Variants in ENTPD3 observed in about 807,000 individuals in gnomAD.
The protein encoded by ENTPD3 is CD39 antigen-like 3.
A neutral mutation model predicts 51.2 loss-of-function variants in ENTPD3; 60 were observed. The observed-to-expected ratio is 1.17, with a 90% CI of 0.95 to 1.45. The LOEUF (loss-of-function observed/expected upper bound fraction) is 1.45. Ranked by LOEUF, ENTPD3 falls within the 40% of genes most tolerant of loss-of-function variation. The pLI is 0.00. For synonymous variants in ENTPD3, 221 were observed against 238.4 expected, an observed-to-expected ratio of 0.93 and a Z score of 0.67; for missense variants, 593 against 641.1, an observed-to-expected ratio of 0.93 and a Z score of 0.81.
At position 40,402,111 on chromosome 3, in the gene ENTPD3, C is replaced by CTTTTTTTT. The variant is rs775322652; in HGVS notation, c.286+1104_286+1111dup. On this transcript the variant is annotated intron_variant, in intron 4 of 10. Coordinates refer to ENST00000301825, the MANE Select transcript of ENTPD3 (RefSeq NM_001248.4). ...GTAACTATCTTGTTCATTTCCTTTC[C>CTTTTTTTT]TTTTTTTTTTTCTTTTTTTTTTTTT... 1.7e-3 allele frequency among the ~76,000 whole-genome samples: 168 copies of CTTTTTTTT among 97,002 alleles called. 6 individuals are homozygous for CTTTTTTTT. The highest frequency in any genetic ancestry group is 2.3e-3 in the African/African-American group (67 of 29,684). 63.6% of individuals were successfully genotyped at this position (97,002 alleles called of 152,430 possible).
At position 40,427,277 on chromosome 3, in the gene ENTPD3, G is replaced by C; in HGVS notation, c.1359G>C (p.Gly453=). The change falls in exon 11 of 11, where the codon GGG becomes GGC. Residue 453 remains glycine, a synonymous_variant. Transcript: ENST00000301825. ...CCATCTCCTCTACTCCACAGGTGGG[G>C]AATAGCAGCATAGCCTGGTCTCTTG... ...WPQIHFEKEV[G]NSSIAWSLGY... is the part of the protein sequence containing the mutation. The C allele has an allele frequency of 2.5e-6, 4 of 1,613,860 alleles. No homozygotes were observed. The highest frequency in any genetic ancestry group is 3.4e-6 in the Non-Finnish European group (4 of 1,179,798).
At chr3:40,427,216 G>C in intron 10 of ENTPD3, 56 bp from the exon 11 acceptor site, 1 of 1,391,918 alleles carries the variant, frequency 7.2e-7, no homozygotes, top group South Asian at 1.2e-5. Flanking sequence ...ACTCCGGTAT[G>C]TGATTGCAGC....
rs942728002 is a variant in ENTPD3, at chr3:40,427,855, T to G, written c.*347T>G. The G allele has an allele frequency of 1.2e-5, 3 of 260,844 alleles. No individual in the cohort carries two copies. The highest frequency in any genetic ancestry group is 2.2e-5 in the Non-Finnish European group (3 of 135,782). The allele number at this position is 260,844 out of a possible 1,614,324, so 16.2% of individuals were successfully genotyped here. ...TGAAGAATTGACCTCAGGGCTCAGT[T>G]TCCATTTCCCTCCCTCAGTATTCTT... On this transcript the variant is annotated 3_prime_UTR_variant, in exon 11 of 11. Coordinates refer to ENST00000301825, the MANE Select transcript of ENTPD3 (RefSeq NM_001248.4).
chr3:40,415,948 G>A lies in ENTPD3; in HGVS notation c.706G>A (p.Asp236Asn), dbSNP rs1442619867. The A allele has an allele frequency of 1.2e-6, 2 of 1,614,142 alleles. No homozygotes were observed. Among genetic ancestry groups the A allele is most frequent in the East Asian group, 4.5e-5 (2 of 44,872 alleles). Reference protein sequence around the residue: ...QISFVAGEKMDLNTSDIMQVS... With the variant: ...QISFVAGEKMNLNTSDIMQVS... The stretch of plus-strand genomic sequence containing the variant: ...ATCCTTCGTGGCAGGAGAGAAGATG[G>A]ATCTGAACACCAGCGACATCATGCA... The change falls in exon 7 of 11, where the codon GAT (aspartate) becomes AAT (asparagine). Residue 236 changes from aspartate to asparagine, a missense_variant. Asp to Asn is a conservative substitution (Grantham distance 23). Transcript: ENST00000301825.
At chr3:40,393,239 T>C (rs1000075095) in intron 3 of ENTPD3, among the ~76,000 whole-genome samples, 10 of 152,128 alleles carry the variant, frequency 6.6e-5, no homozygotes, top group South Asian at 4.2e-4. Context: ...AAGGGTCAAA[T>C]AGTATATATT....
intron 7 of ENTPD3, among the ~76,000 whole-genome samples, chr3:40,418,754 G>A (rs1955800115): frequency 6.6e-6 from 1 of 152,032 alleles, no homozygotes; most frequent in Admixed American, 6.6e-5. Context: ...GTATGAATGT[G>A]TAAAAACTTG....
intron 4 of ENTPD3, among the ~76,000 whole-genome samples, chr3:40,402,125 T>C (rs866951972): frequency 3.7e-5 from 4 of 107,546 alleles, no homozygotes; most frequent in Non-Finnish European, 6.1e-5. Context: ...TTTTTTTTCT[T>C]TTTTTTTTTT....
At chr3:40,421,017 TA>T (rs1326032712) in intron 7 of ENTPD3, among the ~76,000 whole-genome samples, 5 of 149,198 alleles carry the variant, frequency 3.4e-5, no homozygotes, top group African/African-American at 1.3e-4. Flanking sequence ...AATAATTAAT[TA>T]ATTTAAATTT....
chr3:40,393,353 G>A (rs1955110931), intron 3 of ENTPD3, among the ~76,000 whole-genome samples: 2 of 152,092 alleles, frequency 1.3e-5, no homozygotes, highest in Non-Finnish European at 2.9e-5. Context: ...TAGGGACCAG[G>A]TAATTCAGCC....
chr3:40,408,621 A>G (rs1955557800), intron 4 of ENTPD3, among the ~76,000 whole-genome samples: 1 of 152,238 alleles, frequency 6.6e-6, no homozygotes, highest in African/African-American at 2.4e-5. Context: ...TCATAGGAAT[A>G]TGCCTGAGAG....
At chr3:40,405,632 A>G (rs1559511786) in intron 4 of ENTPD3, among the ~76,000 whole-genome samples, 1 of 152,086 alleles carries the variant, frequency 6.6e-6, no homozygotes, top group Non-Finnish European at 1.5e-5. Flanking sequence ...TTGAAATAGC[A>G]ATTTCAGTGC....
At chr3:40,394,222 C>T (rs1955139525) in intron 3 of ENTPD3, 1 of 208,688 alleles carries the variant, frequency 4.8e-6, no homozygotes. Flanking sequence ...TCAAGTGATT[C>T]TACTGCCTCA....
intron 10 of ENTPD3, 147 bp from the exon 11 acceptor site, chr3:40,427,124 TG>T: frequency 1.5e-6 from 1 of 657,380 alleles, no homozygotes; most frequent in Non-Finnish European, 2.7e-6. Context: ...GGCTACAGTG[TG>T]GTGTCTTAAC....
chr3:40,402,753 CT>C (rs1234071473), intron 4 of ENTPD3, among the ~76,000 whole-genome samples: 1 of 152,024 alleles, frequency 6.6e-6, no homozygotes, highest in African/African-American at 2.4e-5. Flanking sequence ...CTTTTTGTGG[CT>C]TGCTCTTTTG....
At chr3:40,421,272 C>T (rs556673515) in intron 7 of ENTPD3, among the ~76,000 whole-genome samples, 1 of 152,156 alleles carries the variant, frequency 6.6e-6, no homozygotes, top group South Asian at 2.1e-4. Flanking sequence ...GATCTGCCTG[C>T]CTCAGCCTCC....
In ENTPD3 at chr3:40,427,140, G is replaced by T. The variant is rs1956000772; in HGVS notation, c.1354-132G>T. On this transcript the variant is annotated intron_variant, in intron 10 of 10. Transcript: ENST00000301825. ...GCTACAGTGTGGTGTCTTAACTTGGGCAAGTCCTTTGACCTCTTTGGGCCA... is the reference window on the plus strand; with the variant it reads ...GCTACAGTGTGGTGTCTTAACTTGGTCAAGTCCTTTGACCTCTTTGGGCCA... The T allele has an allele frequency of 8.3e-6, 6 of 720,828 alleles. No homozygotes were observed. The East Asian group carries it at 1.5e-4, about 18-fold the overall frequency. 44.7% of individuals were successfully genotyped at this position (720,828 alleles called of 1,614,324 possible). A position where few individuals can be genotyped will look rare whatever the true frequency, so the allele number is the denominator to read the frequency against.
rs1955704779 is a variant in ENTPD3 at position 40,414,742 on chromosome 3, C to T, written c.499C>T (p.Gln167Ter). ...AAGCATCCAAAGCTACTTCAAGTCCCAGCCCTTTGACTTTAGGGGTGCTCA... is the reference window on the plus strand; with the variant it reads ...AAGCATCCAAAGCTACTTCAAGTCCTAGCCCTTTGACTTTAGGGGTGCTCA... ...LESIQSYFKS[Q>*]PFDFRGAQII... Residue 167 changes from glutamine to a stop codon, truncating the protein, a stop_gained, in exon 6 of 11, where the codon CAG (glutamine) becomes TAG (stop). Transcript: ENST00000301825. LOFTEE classifies it high-confidence loss of function. The T allele has an allele frequency of 1.2e-6, 2 of 1,614,010 alleles. No individual in the cohort carries two copies. Among genetic ancestry groups the T allele is most frequent in the Non-Finnish European group, 8.5e-7 (1 of 1,179,996 alleles).
chr3:40,417,086 C>T (rs1301129440), intron 7 of ENTPD3, among the ~76,000 whole-genome samples: 2 of 152,066 alleles, frequency 1.3e-5, no homozygotes, highest in Non-Finnish European at 2.9e-5. Flanking sequence ...GCCCCTCCCC[C>T]AAACATCTCC....
chr3:40,395,623 G>A (rs773857294), intron 3 of ENTPD3, among the ~76,000 whole-genome samples: 2 of 152,114 alleles, frequency 1.3e-5, no homozygotes, highest in Non-Finnish European at 2.9e-5. Flanking sequence ...CCATATCAAG[G>A]GGCATACAGG....
Sources: gnomAD v4.1 joint callset for allele counts (sites outside exome capture counted in the v4.1 genomes callset) on GRCh38, gnomAD v4.1.1 for gene constraint, MANE v1.5 for transcripts, NCBI Gene and HGNC (gene_info 2026-07-23, HGNC 2026-07-21) for gene names.